Variants in SCAPER observed in about 807,000 individuals in gnomAD.
SCAPER encodes S phase cyclin A-associated protein in the endoplasmic reticulum.
In SCAPER, 98 loss-of-function variants were observed where a neutral mutation model predicts 182.2. That is an observed-to-expected ratio of 0.54 (90% CI 0.46 to 0.64). The LOEUF (loss-of-function observed/expected upper bound fraction) is 0.64, where lower values mean the gene tolerates loss of function less well. Ranked by LOEUF, SCAPER falls within the 30% of genes least tolerant of loss-of-function variation. The probability of loss-of-function intolerance (pLI) is 0.00; values close to 1 mark genes in which losing one functional copy is unlikely to be tolerated. For synonymous variants in SCAPER, 605 were observed against 564.6 expected, an observed-to-expected ratio of 1.07 and a Z score of -1.01; for missense variants, 1,432 against 1,690.0, an observed-to-expected ratio of 0.85 and a Z score of 2.68.
At chr15:76,709,079 A>C (rs1010220095) in intron 17 of SCAPER, among the ~76,000 whole-genome samples, 16 of 152,130 alleles carry the variant, frequency 1.1e-4, no homozygotes, top group African/African-American at 3.9e-4. Context: ...TGAAGGAGAG[A>C]TATCACTATA....
intron 20 of SCAPER, among the ~76,000 whole-genome samples, chr15:76,670,547 G>T (rs2056939344): frequency 1.3e-5 from 2 of 152,110 alleles, no homozygotes; most frequent in Admixed American, 6.6e-5. Context: ...TCACAGAAAT[G>T]AAAAACCTGG....
intron 23 of SCAPER, among the ~76,000 whole-genome samples, chr15:76,551,975 C>T (rs750543122): frequency 6.6e-6 from 1 of 150,644 alleles, no homozygotes; most frequent in Non-Finnish European, 1.5e-5. Context: ...AGCCCTGTGA[C>T]CTGCAGGTTG....
intron 23 of SCAPER, 140 bp from the exon 24 acceptor site, chr15:76,505,114 ACTG>A: frequency 3.0e-6 from 2 of 671,416 alleles, no homozygotes; most frequent in Admixed American, 6.1e-5. Context: ...AATGCTACTC[ACTG>A]CTAATTGTTT....
intron 22 of SCAPER, among the ~76,000 whole-genome samples, chr15:76,590,437 T>C (rs1344137987): frequency 1.3e-5 from 2 of 152,228 alleles, no homozygotes; most frequent in Admixed American, 6.5e-5. Flanking sequence ...TACAAGGTTC[T>C]ATTAAAATCA....
intron 5 of SCAPER, among the ~76,000 whole-genome samples, 170 bp from the exon 6 acceptor site, chr15:76,804,803 G>C (rs1359358305): frequency 6.6e-6 from 1 of 151,844 alleles, no homozygotes. Context: ...AAGATAATAA[G>C]AAATATAATA....
At chr15:76,602,660 T>C (rs1310743934) in intron 22 of SCAPER, among the ~76,000 whole-genome samples, 2 of 121,152 alleles carry the variant, frequency 1.7e-5, no homozygotes, top group East Asian at 4.4e-4. Context: ...CAAATACTGC[T>C]TTTGTTCCTC....
At chr15:76,457,327 A>G (rs530356249) in intron 25 of SCAPER, among the ~76,000 whole-genome samples, 12 of 152,230 alleles carry the variant, frequency 7.9e-5, no homozygotes, top group Non-Finnish European at 1.3e-4. Flanking sequence ...CCTCCCACAG[A>G]GCTGGGATTA....
At chr15:76,757,089 T>C (rs2062482933) in intron 14 of SCAPER, among the ~76,000 whole-genome samples, 1 of 152,238 alleles carries the variant, frequency 6.6e-6, no homozygotes, top group Non-Finnish European at 1.5e-5. Context: ...AATCAGTTTA[T>C]ATCCCATTAC....
intron 25 of SCAPER, among the ~76,000 whole-genome samples, chr15:76,468,154 G>C (rs896507151): frequency 1.3e-5 from 2 of 152,016 alleles, no homozygotes; most frequent in Non-Finnish European, 2.9e-5. Flanking sequence ...ACACTCAAGT[G>C]ATTTTCAGAA....
At chr15:76,423,535 A>C (rs932939999) in intron 26 of SCAPER, among the ~76,000 whole-genome samples, 46 of 152,180 alleles carry the variant, frequency 3.0e-4, no homozygotes, top group Admixed American at 6.5e-4. Flanking sequence ...TCTTGCTAGC[A>C]GTCTGTCAAT....
intron 20 of SCAPER, among the ~76,000 whole-genome samples, chr15:76,692,633 G>A (rs1382152123): frequency 4.2e-5 from 6 of 144,486 alleles, no homozygotes; most frequent in Admixed American, 7.2e-5. Context: ...AGGTTGCAGT[G>A]AGCCAAGATC....
intron 17 of SCAPER, among the ~76,000 whole-genome samples, chr15:76,720,995 T>A (rs2060204702): frequency 6.6e-6 from 1 of 152,224 alleles, no homozygotes. Context: ...CATGAAGTCC[T>A]TGCCCATGCC....
chr15:76,653,208 A>G lies in SCAPER; in HGVS notation c.2645+12445T>C, dbSNP rs184693403. Among the ~76,000 whole-genome samples the G allele has an allele frequency of 3.9e-4, 59 of 152,336 alleles. 1 individual carries two copies. In the East Asian group the frequency reaches 9.7e-3, roughly 25 times the overall value. On this transcript the variant is annotated intron_variant, in intron 21 of 31. Transcript: ENST00000563290. Reference sequence around the variant, plus strand: ...ACAACTACAAAACTGCCGAAAAAAAATTACAGATTACACAAACAAATGGAA... The same window carrying G: ...ACAACTACAAAACTGCCGAAAAAAAGTTACAGATTACACAAACAAATGGAA...
At chr15:76,582,137 G>A (rs989427516) in intron 22 of SCAPER, among the ~76,000 whole-genome samples, 1 of 151,774 alleles carries the variant, frequency 6.6e-6, no homozygotes, top group Middle Eastern at 3.4e-3. Context: ...GAAATGAAGG[G>A]CATCCAAATT....
chr15:76,578,503 C>CAG (rs1057323898), intron 22 of SCAPER, among the ~76,000 whole-genome samples: 10 of 152,156 alleles, frequency 6.6e-5, no homozygotes, highest in South Asian at 4.1e-4. Flanking sequence ...CAGCTCAGCA[C>CAG]AGAGAGAGAG....
At chr15:76,629,091 C>T (rs1463002162) in intron 21 of SCAPER, among the ~76,000 whole-genome samples, 2 of 152,152 alleles carry the variant, frequency 1.3e-5, no homozygotes, top group African/African-American at 2.4e-5. Context: ...TGTATAGGAA[C>T]GCTTGTAACT....
chr15:76,842,707 C>T (rs2069599879), intron 4 of SCAPER, among the ~76,000 whole-genome samples: 1 of 152,164 alleles, frequency 6.6e-6, no homozygotes, highest in African/African-American at 2.4e-5. Flanking sequence ...TATCTCTTGA[C>T]CCTCTTCATA....
At chr15:76,432,676 C>T (rs915288081) in intron 26 of SCAPER, among the ~76,000 whole-genome samples, 4 of 152,106 alleles carry the variant, frequency 2.6e-5, no homozygotes, top group Non-Finnish European at 5.9e-5. Context: ...AGTTCAGATG[C>T]CAAAGTAGGA....
At chr15:76,662,754 C>T (rs2146718669) in intron 21 of SCAPER, among the ~76,000 whole-genome samples, 1 of 151,996 alleles carries the variant, frequency 6.6e-6, no homozygotes, top group East Asian at 1.9e-4. Context: ...GTAGAGCAGG[C>T]TATCTATAGA....
Sources: allele counts gnomAD v4.1 joint callset (sites outside exome capture counted in the v4.1 genomes callset), GRCh38; gene constraint gnomAD v4.1.1; transcripts MANE v1.5; gene names NCBI Gene and HGNC (gene_info 2026-07-23, HGNC 2026-07-21).